Variants in COL14A1 observed in about 807,000 individuals in gnomAD.
The protein encoded by COL14A1 is collagen type XIV alpha 1 chain.
A neutral mutation model predicts 230.3 loss-of-function variants in COL14A1; 136 were observed. That is an observed-to-expected ratio of 0.59 (90% CI 0.51 to 0.68). The LOEUF (loss-of-function observed/expected upper bound fraction) is 0.68. Ranked by LOEUF, COL14A1 falls within the 30% of genes least tolerant of loss-of-function variation. The pLI is 0.00. For missense variants in COL14A1, 1,976 were observed against 2,215.8 expected (o/e 0.89, Z 2.17); for synonymous variants, 792 against 784.1 (o/e 1.01, Z -0.17).
At chr8:120,347,041 G>T (rs967394292) in intron 45 of COL14A1, among the ~76,000 whole-genome samples, 1 of 152,140 alleles carries the variant, frequency 6.6e-6, no homozygotes, top group Non-Finnish European at 1.5e-5. Flanking sequence ...TGTCAGCAGG[G>T]CATCCTCTGC....
chr8:120,250,858 A>T, intron 22 of COL14A1, 92 bp downstream of exon 22: 2 of 1,452,334 alleles, frequency 1.4e-6, no homozygotes, highest in Non-Finnish European at 1.9e-6. Context: ...CTCAGGCTGG[A>T]GTGCGCTGGT....
intron 45 of COL14A1, among the ~76,000 whole-genome samples, chr8:120,362,687 G>A (rs570679574): frequency 6.6e-6 from 1 of 152,280 alleles, no homozygotes; most frequent in African/African-American, 2.4e-5. Flanking sequence ...GCAAGGCTAT[G>A]CATCTGTGGG....
chr8:120,164,945 A>G (rs1815813435), intron 4 of COL14A1, among the ~76,000 whole-genome samples: 1 of 152,188 alleles, frequency 6.6e-6, no homozygotes, highest in South Asian at 2.1e-4. Flanking sequence ...AGTCATATAA[A>G]TCTTCCCAGG....
chr8:120,270,440 G>A (rs899059883), intron 26 of COL14A1, among the ~76,000 whole-genome samples: 1 of 151,530 alleles, frequency 6.6e-6, no homozygotes, highest in Non-Finnish European at 1.5e-5. Context: ...TACATACTAG[G>A]GTAGAATGTC....
intron 18 of COL14A1, among the ~76,000 whole-genome samples, chr8:120,229,094 A>ATTTTATTTTATTTTT (rs1818183508): frequency 7.1e-6 from 1 of 141,122 alleles, no homozygotes; most frequent in Admixed American, 7.1e-5. Flanking sequence ...TTTTCTTTTT[A>ATTTTATTTTATTTTT]TTTTATTTTA....
Position 120,334,953 on chromosome 8 carries a change from A to G in COL14A1, c.4785+2218A>G, listed in dbSNP as rs568988036. Among the ~76,000 whole-genome samples the G allele has an allele frequency of 3.9e-5, 6 of 152,350 alleles. No homozygotes were observed. The East Asian group carries it at 1.2e-3, about 29-fold the overall frequency. ...GTGAAATTAGAAAACACCCAAAACT[A>G]GTTTAATTTGGTTAGACAATAAACG... is the stretch of plus-strand genomic sequence containing the variant. On this transcript the variant is annotated intron_variant, in intron 42 of 47. Coordinates refer to ENST00000297848, the MANE Select transcript of COL14A1 (RefSeq NM_021110.4).
At chr8:120,238,353 G>A (rs1359869239) in intron 19 of COL14A1, among the ~76,000 whole-genome samples, 1 of 152,134 alleles carries the variant, frequency 6.6e-6, no homozygotes, top group Non-Finnish European at 1.5e-5. Flanking sequence ...TGGTTTTGTG[G>A]TGCTGCGGTA....
chr8:120,303,010 G>T (rs1820762993), intron 36 of COL14A1, among the ~76,000 whole-genome samples: 1 of 152,118 alleles, frequency 6.6e-6, no homozygotes, highest in African/African-American at 2.4e-5. Context: ...ATTGTGGATG[G>T]GATTGCATTC....
intron 4 of COL14A1, 57 bp from the exon 5 acceptor site, chr8:120,168,104 A>T (rs1815971154): frequency 8.1e-7 from 1 of 1,239,136 alleles, no homozygotes; most frequent in Non-Finnish European, 1.2e-6. Context: ...AAACTCACTG[A>T]ATATTTTCTT....
At chr8:120,171,313 G>A (rs905731883) in intron 5 of COL14A1, among the ~76,000 whole-genome samples, 2 of 151,930 alleles carry the variant, frequency 1.3e-5, no homozygotes, top group Non-Finnish European at 2.9e-5. Flanking sequence ...ATTTATTATA[G>A]ATATTCTTTA....
In COL14A1 at chr8:120,316,779, A is replaced by T. The variant is rs1821249808; in HGVS notation, c.4659+782A>T. 5.3e-5 allele frequency among the ~76,000 whole-genome samples: 8 copies of T among 152,066 alleles called. No homozygotes were observed. In the South Asian group the frequency reaches 1.0e-3, roughly 20 times the overall value. On this transcript the variant is annotated intron_variant, in intron 40 of 47. Transcript: ENST00000297848. ...AGGAAAGGAAAGCTATTGCAAGCAG[A>T]GGAAAGAGCATATACAAAGAGGTAG... is the stretch of plus-strand genomic sequence containing the variant.
chr8:120,141,214 T>C (rs1814896921), intron 1 of COL14A1, among the ~76,000 whole-genome samples: 1 of 152,168 alleles, frequency 6.6e-6, no homozygotes, highest in Admixed American at 6.5e-5. Context: ...CCCAATGTGG[T>C]ATTGCTCATC....
intron 40 of COL14A1, among the ~76,000 whole-genome samples, chr8:120,329,550 T>C (rs1821798522): frequency 6.6e-6 from 1 of 151,996 alleles, no homozygotes; most frequent in Non-Finnish European, 1.5e-5. Flanking sequence ...AAGGCTGAGG[T>C]GAGTCATGAT....
intron 36 of COL14A1, among the ~76,000 whole-genome samples, chr8:120,307,445 A>C (rs1260718307): frequency 6.6e-6 from 1 of 152,198 alleles, no homozygotes; most frequent in Non-Finnish European, 1.5e-5. Context: ...ATAACATCTA[A>C]GTTTGTGTAA....
chr8:120,216,578 G>A, intron 14 of COL14A1, 88 bp downstream of exon 14: 3 of 1,312,638 alleles, frequency 2.3e-6, no homozygotes, highest in Non-Finnish European at 3.1e-6. Flanking sequence ...AAGCCTAGTG[G>A]CTTAAAATAA....
chr8:120,164,531 A>G (rs894146746), intron 4 of COL14A1, among the ~76,000 whole-genome samples: 1 of 152,216 alleles, frequency 6.6e-6, no homozygotes, highest in Non-Finnish European at 1.5e-5. Flanking sequence ...CTTTTGCACC[A>G]ACCCAATATT....
chr8:120,282,216 C>G (rs1820059962), intron 31 of COL14A1, among the ~76,000 whole-genome samples: 1 of 152,166 alleles, frequency 6.6e-6, no homozygotes, highest in East Asian at 1.9e-4. Flanking sequence ...TCATCATTCT[C>G]AGTAAACTAT....
rs1819923243 is a variant in COL14A1, at chr8:120,278,450, A to G, written c.3353A>G (p.Tyr1118Cys). 2 of 1,611,682 alleles carry G rather than the reference A, an allele frequency of 1.2e-6. No homozygotes were observed. The highest frequency in any genetic ancestry group is 1.7e-6 in the Non-Finnish European group (2 of 1,179,032). ...GNTKTGKAIK[Y>C]VRDTLFTAES... ...TTTGTTTCAGGAAAAGCAATTAAGT[A>G]TGTTCGAGATACCTTGTTCACTGCA... Residue 1118 changes from tyrosine (Y) to cysteine (C), a missense_variant, in exon 28 of 48, where the codon TAT becomes TGT. Physicochemically the swap from Tyr to Cys is radical, Grantham distance 194. This residue lies in a region of COL14A1 where 1,791 missense variants were observed against 2,019.5 expected (regional missense o/e 0.89). Coordinates refer to ENST00000297848, the MANE Select transcript of COL14A1 (RefSeq NM_021110.4).
intron 1 of COL14A1, among the ~76,000 whole-genome samples, chr8:120,132,234 A>G (rs906757940): frequency 9.9e-5 from 15 of 152,126 alleles, no homozygotes; most frequent in Non-Finnish European, 1.8e-4. Flanking sequence ...TAATTTTCAT[A>G]TATGGTGAAA....
Sources: gnomAD v4.1 joint callset for allele counts (sites outside exome capture counted in the v4.1 genomes callset) on GRCh38, gnomAD v4.1.1 for gene constraint, gnomAD v4.1.1 regional missense constraint, MANE v1.5 for transcripts, NCBI Gene and HGNC (gene_info 2026-07-23, HGNC 2026-07-21) for gene names.